BIRC6: variants seen among roughly 807,000 people sequenced by gnomAD.
BIRC6 encodes the protein baculoviral IAP repeat containing 6.
A neutral mutation model predicts 503.3 loss-of-function variants in BIRC6; 98 were observed. The observed-to-expected ratio is 0.19, with a 90% CI of 0.17 to 0.23. BIRC6 has a LOEUF of 0.23. BIRC6 is among the 10% of genes least tolerant of loss of function. The probability of loss-of-function intolerance (pLI) is 1.00; values close to 1 mark genes in which losing one functional copy is unlikely to be tolerated. For missense variants in BIRC6, 5,360 were observed against 5,806.0 expected, an observed-to-expected ratio of 0.92 and a Z score of 2.50; for synonymous variants, 2,240 against 2,078.7, an observed-to-expected ratio of 1.08 and a Z score of -2.11.
At chr2:32,385,281 A>G (rs1051115325) in intron 3 of BIRC6, among the ~76,000 whole-genome samples, 1 of 152,252 alleles carries the variant, frequency 6.6e-6, no homozygotes, top group Non-Finnish European at 1.5e-5. Context: ...ATGTAGAACA[A>G]GGAGGAGACA....
intron 5 of BIRC6, among the ~76,000 whole-genome samples, chr2:32,393,898 G>A (rs6751569): frequency 0.022 from 3,317 of 151,384 alleles, 109 homozygotes; most frequent in African/African-American, 0.077. Flanking sequence ...TTATTCCTTC[G>A]TTATCTTCAA....
intron 73 of BIRC6, among the ~76,000 whole-genome samples, chr2:32,616,560 C>T (rs1388230431): frequency 1.0e-5 from 1 of 99,126 alleles, no homozygotes; most frequent in African/African-American, 4.4e-5. Flanking sequence ...ACCTTGTTCT[C>T]AAAAAAAAAA....
At chr2:32,566,054 T>C (rs1008721043) in intron 65 of BIRC6, 4 of 152,158 alleles carry the variant, frequency 2.6e-5, no homozygotes, top group African/African-American at 7.2e-5. Flanking sequence ...TTTTGTTTTA[T>C]GTTTACCCAA....
chr2:32,412,243 A>G (rs1206045142), intron 9 of BIRC6, among the ~76,000 whole-genome samples: 1 of 152,188 alleles, frequency 6.6e-6, no homozygotes, highest in African/African-American at 2.4e-5. Context: ...TCATGTCTAT[A>G]ATCCGAGCAC....
intron 6 of BIRC6, among the ~76,000 whole-genome samples, chr2:32,396,882 C>G (rs1431219604): frequency 6.6e-6 from 1 of 151,984 alleles, no homozygotes; most frequent in Non-Finnish European, 1.5e-5. Context: ...CGTGGGCCAC[C>G]ACACCCGGCT....
At chr2:32,454,409 T>C (rs796515522) in intron 23 of BIRC6, among the ~76,000 whole-genome samples, 9 of 152,316 alleles carry the variant, frequency 5.9e-5, no homozygotes, top group African/African-American at 2.2e-4. Context: ...GTTAAATACC[T>C]TCACTTAAAA....
chr2:32,510,100 T>C, intron 52 of BIRC6, 106 bp downstream of exon 52: 3 of 1,297,702 alleles, frequency 2.3e-6, no homozygotes, highest in East Asian at 2.5e-5. Context: ...ATTTTTTCTT[T>C]TAGTTTATGT....
At chr2:32,417,414 G>T (rs147373317) in intron 10 of BIRC6, among the ~76,000 whole-genome samples, 249 of 152,350 alleles carry the variant, frequency 1.6e-3, no homozygotes, top group African/African-American at 5.7e-3. Flanking sequence ...AAAGTGCTGG[G>T]ATTACAGGCG....
chr2:32,570,042 A>G (rs985387008), intron 65 of BIRC6, among the ~76,000 whole-genome samples: 4 of 152,104 alleles, frequency 2.6e-5, no homozygotes, highest in East Asian at 1.9e-4. Context: ...CCCATTAAGT[A>G]TAGTGTTAGC....
chr2:32,524,460 T>C (rs1222775523), intron 57 of BIRC6, among the ~76,000 whole-genome samples: 1 of 152,218 alleles, frequency 6.6e-6, no homozygotes, highest in Non-Finnish European at 1.5e-5. Context: ...ATTTGCCATA[T>C]ACAGATTATA....
chr2:32,559,754 C>T (rs1229521664), intron 65 of BIRC6, among the ~76,000 whole-genome samples: 3 of 151,620 alleles, frequency 2.0e-5, no homozygotes, highest in Non-Finnish European at 4.4e-5. Flanking sequence ...GGCACAGTGG[C>T]TCACACCTGT....
At chr2:32,547,060 A>C (rs1234659645) in intron 63 of BIRC6, among the ~76,000 whole-genome samples, 1 of 152,224 alleles carries the variant, frequency 6.6e-6, no homozygotes, top group Non-Finnish European at 1.5e-5. Context: ...TTCTTCCCAG[A>C]TCAATCCTTA....
intron 6 of BIRC6, among the ~76,000 whole-genome samples, chr2:32,399,258 G>A (rs1465133328): frequency 6.6e-6 from 1 of 152,080 alleles, no homozygotes; most frequent in African/African-American, 2.4e-5. Context: ...GCTAATATAT[G>A]TATTTTTAGT....
At chr2:32,505,591 GC>G (rs2053705993) in intron 50 of BIRC6, among the ~76,000 whole-genome samples, 1 of 152,104 alleles carries the variant, frequency 6.6e-6, no homozygotes, top group South Asian at 2.1e-4. Context: ...AGATTTGTGT[GC>G]CTGCCCTCCA....
chr2:32,390,210 G>C (rs569597380), intron 4 of BIRC6, among the ~76,000 whole-genome samples: 2 of 151,532 alleles, frequency 1.3e-5, no homozygotes, highest in South Asian at 2.1e-4. Context: ...TCGCTCTGTT[G>C]CCCAGGCTGG....
intron 66 of BIRC6, among the ~76,000 whole-genome samples, chr2:32,579,918 G>T (rs138552493): frequency 6.1e-4 from 93 of 151,338 alleles, no homozygotes; most frequent in African/African-American, 2.1e-3. Context: ...CTTTCTAAGG[G>T]GCTGACATAT....
intron 51 of BIRC6, 124 bp from the exon 52 acceptor site, chr2:32,509,614 A>G (rs1468416869): frequency 9.1e-7 from 1 of 1,097,222 alleles, no homozygotes; most frequent in Non-Finnish European, 1.3e-6. Context: ...TTCTAAAAAA[A>G]CATGTCTTAG....
At chr2:32,554,987 G>T (rs1047817575) in intron 65 of BIRC6, among the ~76,000 whole-genome samples, 34 of 151,938 alleles carry the variant, frequency 2.2e-4, no homozygotes, top group African/African-American at 7.7e-4. Context: ...CATAGAAATT[G>T]TATTAGTGCT....
intron 23 of BIRC6, among the ~76,000 whole-genome samples, chr2:32,461,074 TCTCCTCTCCTCTC>T (rs2047898203): frequency 8.2e-4 from 4 of 4,854 alleles, no homozygotes; most frequent in African/African-American, 2.2e-3. Context: ...TCTGTTCTCC[TCTCCTCTCCTCTC>T]CTCTCCTCTC....
Sources: allele counts gnomAD v4.1 joint callset (sites outside exome capture counted in the v4.1 genomes callset), GRCh38; gene constraint gnomAD v4.1.1; transcripts MANE v1.5; gene names NCBI Gene and HGNC (gene_info 2026-07-23, HGNC 2026-07-21).